NCOR1: variants seen among roughly 807,000 people sequenced by gnomAD.
NCOR1 encodes protein phosphatase 1, regulatory subunit 109.
A neutral mutation model predicts 288.1 loss-of-function variants in NCOR1; 63 were observed. The ratio of observed to expected loss-of-function variants is 0.22; its 90% CI spans 0.18 to 0.27. The LOEUF (loss-of-function observed/expected upper bound fraction) is 0.27. NCOR1 is among the 10% of genes least tolerant of loss of function. The pLI is 1.00. For synonymous variants in NCOR1, 1,007 were observed against 1,065.9 expected, an observed-to-expected ratio of 0.94 and a Z score of 1.08; for missense variants, 2,397 against 3,019.2, an observed-to-expected ratio of 0.79 and a Z score of 4.83.
chr17:16,090,065 T>C (rs2064934329), intron 22 of NCOR1, among the ~76,000 whole-genome samples: 1 of 152,122 alleles, frequency 6.6e-6, no homozygotes, highest in African/African-American at 2.4e-5. Flanking sequence ...CGTGTAGTAA[T>C]GTGACTAACA....
At chr17:16,199,571 C>T (rs1217303419) in intron 1 of NCOR1, among the ~76,000 whole-genome samples, 1 of 152,084 alleles carries the variant, frequency 6.6e-6, no homozygotes, top group Non-Finnish European at 1.5e-5. Flanking sequence ...TCCTGGCTCA[C>T]TAAGATACCT....
intron 20 of NCOR1, among the ~76,000 whole-genome samples, chr17:16,099,003 T>A (rs1414662684): frequency 6.6e-6 from 1 of 152,236 alleles, no homozygotes; most frequent in African/African-American, 2.4e-5. Context: ...AGTATTTTTT[T>A]AAATATTTGA....
intron 1 of NCOR1, among the ~76,000 whole-genome samples, chr17:16,202,550 A>C (rs973745210): frequency 2.6e-5 from 4 of 152,230 alleles, no homozygotes; most frequent in African/African-American, 7.2e-5. Flanking sequence ...TAGATATAAC[A>C]ATGTCTAAGT....
At chr17:16,195,920 G>A (rs2089678289) in intron 1 of NCOR1, among the ~76,000 whole-genome samples, 1 of 151,868 alleles carries the variant, frequency 6.6e-6, no homozygotes, top group African/African-American at 2.4e-5. Context: ...ACATACATAT[G>A]ATAGAGAATA....
intron 1 of NCOR1, among the ~76,000 whole-genome samples, chr17:16,215,134 A>AT (rs1191293946): frequency 1.3e-5 from 2 of 151,988 alleles, no homozygotes; most frequent in Non-Finnish European, 2.9e-5. Flanking sequence ...TCCAAACTCC[A>AT]TAAGCCTCCG....
In NCOR1 at chr17:16,055,102, GGA is replaced by G. The variant is rs2059766866; in HGVS notation, c.6392+2410_6392+2411del. On this transcript the variant is annotated intron_variant, in intron 40 of 45. Coordinates refer to ENST00000268712, the MANE Select transcript of NCOR1 (RefSeq NM_006311.4). ...GAGTGTAAATTAGTTCAACCACTGT[GGA>G]AGACACTGTGGAAATTCCTCAAAGA... is the stretch of plus-strand genomic sequence containing the variant. 2.0e-5 allele frequency among the ~76,000 whole-genome samples: 3 copies of G among 152,282 alleles called. No individual in the cohort carries two copies. The South Asian group carries it at 6.2e-4, about 32-fold the overall frequency.
intron 6 of NCOR1, among the ~76,000 whole-genome samples, chr17:16,158,270 C>T (rs1483179725): frequency 6.6e-6 from 1 of 152,058 alleles, no homozygotes; most frequent in Non-Finnish European, 1.5e-5. Flanking sequence ...CACCATGCCC[C>T]GCCTTGAACT....
intron 1 of NCOR1, among the ~76,000 whole-genome samples, chr17:16,194,933 A>G (rs941552741): frequency 1.3e-5 from 2 of 152,256 alleles, no homozygotes; most frequent in African/African-American, 4.8e-5. Context: ...ATATCTTTCT[A>G]TAAATGTCTG....
At chr17:16,063,356 T>C (rs2060747221) in intron 35 of NCOR1, among the ~76,000 whole-genome samples, 1 of 151,902 alleles carries the variant, frequency 6.6e-6, no homozygotes. Context: ...ATTTTTTATA[T>C]ATATATTTTA....
chr17:16,109,560 CAT>C (rs1205112669), intron 18 of NCOR1, among the ~76,000 whole-genome samples: 2 of 152,108 alleles, frequency 1.3e-5, no homozygotes, highest in African/African-American at 4.8e-5. Context: ...ATAATACTGA[CAT>C]ATATTATGTT....
chr17:16,119,362 A>G (rs903820269), intron 17 of NCOR1, 61 bp downstream of exon 17: 1 of 1,234,476 alleles, frequency 8.1e-7, no homozygotes, highest in East Asian at 2.3e-5. Flanking sequence ...CATCTCACTC[A>G]TTACTAATAA....
At chr17:16,122,586 C>A (rs1181731454) in intron 15 of NCOR1, 1 of 152,208 alleles carries the variant, frequency 6.6e-6, no homozygotes, top group African/African-American at 2.4e-5. Flanking sequence ...TGCTGCTACT[C>A]TGGCTTTCCT....
chr17:16,142,530 G>A (rs1425814275), intron 11 of NCOR1, among the ~76,000 whole-genome samples: 1 of 151,954 alleles, frequency 6.6e-6, no homozygotes, highest in Non-Finnish European at 1.5e-5. Context: ...GGGCTAAAAA[G>A]ATTCAATGTT....
At chr17:16,208,478 C>T (rs1013143280) in intron 1 of NCOR1, among the ~76,000 whole-genome samples, 1 of 152,122 alleles carries the variant, frequency 6.6e-6, no homozygotes, top group East Asian at 1.9e-4. Flanking sequence ...TGAGTGCTGT[C>T]TAGGATGAAC....
At chr17:16,207,517 G>A (rs575369588) in intron 1 of NCOR1, among the ~76,000 whole-genome samples, 6 of 152,130 alleles carry the variant, frequency 3.9e-5, no homozygotes, top group East Asian at 1.9e-4. Context: ...CGAGGCAGGC[G>A]GATCACGAGG....
chr17:16,145,275 T>G (rs1330396315), intron 10 of NCOR1, among the ~76,000 whole-genome samples: 1 of 152,214 alleles, frequency 6.6e-6, no homozygotes, highest in Non-Finnish European at 1.5e-5. Flanking sequence ...GCCGCCTGCC[T>G]TGGCCTCCCA....
chr17:16,120,950 T>G lies in NCOR1; in HGVS notation c.1852+102A>C, dbSNP rs2072884449. 3.7e-6 allele frequency: 4 copies of G among 1,084,696 alleles called. No individual in the cohort carries two copies. In the South Asian group the frequency reaches 6.9e-5, roughly 19 times the overall value. 67.2% of individuals were successfully genotyped at this position (1,084,696 alleles called of 1,614,324 possible). A position where few individuals can be genotyped will look rare whatever the true frequency, so the allele number is the denominator to read the frequency against. On this transcript the variant is annotated intron_variant, in intron 16 of 45. Coordinates refer to ENST00000268712, the MANE Select transcript of NCOR1 (RefSeq NM_006311.4). ...TTTAAAGACCACACTTCAGGATTAT[T>G]TCTAGGTTGTCAATATTAAAAGTCC... is the stretch of plus-strand genomic sequence containing the variant.
Position 16,101,731 on chromosome 17 carries a change from T to G in NCOR1, c.2209A>C (p.Ser737Arg), listed in dbSNP as rs761394743. ...EVEAVKPSEDSPENATSRGNT... is the reference protein window; with the variant it reads ...EVEAVKPSEDRPENATSRGNT... ...CCTCGAGAAGTAGCATTTTCAGGAC[T>G]GTCCTCGCTGGGCTTGACAGCTTCA... The change falls in exon 20 of 46, where the codon AGT becomes CGT. Residue 737 changes from serine to arginine, a missense_variant. This residue lies in a region of NCOR1 where 1,872 missense variants were observed against 2,187.8 expected (regional missense o/e 0.86). Coordinates refer to ENST00000268712, the MANE Select transcript of NCOR1 (RefSeq NM_006311.4). The G allele has an allele frequency of 3.7e-6, 6 of 1,614,120 alleles. No individual in the cohort carries two copies. The highest frequency in any genetic ancestry group is 1.7e-5 in the Admixed American group (1 of 60,014).
intron 21 of NCOR1, among the ~76,000 whole-genome samples, chr17:16,095,495 GTCAGCCCCCTGCCC>G (rs2066338268): frequency 3.5e-5 from 5 of 142,598 alleles, no homozygotes; most frequent in Admixed American, 1.4e-4. Flanking sequence ...AGGTAGGGGG[GTCAGCCCCCTGCCC>G]GGCCAGCCGC....
Sources: allele counts gnomAD v4.1 joint callset (sites outside exome capture counted in the v4.1 genomes callset), GRCh38; gene constraint gnomAD v4.1.1; regional missense constraint gnomAD v4.1.1; transcripts MANE v1.5; gene names NCBI Gene and HGNC (gene_info 2026-07-23, HGNC 2026-07-21).